The following CA10 variants were observed in gnomAD, a reference collection of about 807,000 sequenced individuals.
The protein encoded by CA10 is carbonic anhydrase 10 (inactive), also known as carbonic anhydrase-related protein 10.
In CA10, 14 loss-of-function variants were observed where a neutral mutation model predicts 44.2. That is an observed-to-expected ratio of 0.32 (90% CI 0.21 to 0.50). The LOEUF is 0.50. CA10 is among the 20% of genes least tolerant of loss of function. The probability of loss-of-function intolerance (pLI) is 0.99; values close to 1 mark genes in which losing one functional copy is unlikely to be tolerated. For missense variants in CA10, 350 were observed against 409.7 expected, an observed-to-expected ratio of 0.85 and a Z score of 1.26; for synonymous variants, 159 against 141.6, an observed-to-expected ratio of 1.12 and a Z score of -0.87.
intron 3 of CA10, among the ~76,000 whole-genome samples, chr17:51,914,520 C>G (rs1412207884): frequency 6.6e-6 from 1 of 152,106 alleles, no homozygotes; most frequent in Non-Finnish European, 1.5e-5. Context: ...AGACATGTAA[C>G]ACCACTCCTA....
chr17:51,784,736 C>G (rs966914494), intron 3 of CA10, among the ~76,000 whole-genome samples: 1 of 152,214 alleles, frequency 6.6e-6, no homozygotes, highest in Non-Finnish European at 1.5e-5. Flanking sequence ...TCATGGAGAA[C>G]GGAGTATCCA....
intron 3 of CA10, among the ~76,000 whole-genome samples, chr17:51,812,548 T>G (rs897523209): frequency 1.3e-5 from 2 of 152,200 alleles, no homozygotes; most frequent in African/African-American, 4.8e-5. Flanking sequence ...AATCCATGGA[T>G]GTTGAGGCCT....
intron 3 of CA10, among the ~76,000 whole-genome samples, chr17:51,782,216 G>A (rs1736503528): frequency 6.6e-6 from 1 of 152,214 alleles, no homozygotes; most frequent in East Asian, 1.9e-4. Flanking sequence ...CTACTAACTT[G>A]TTCTCACCTT....
At chr17:51,957,309 C>CT (rs1275120674) in intron 2 of CA10, among the ~76,000 whole-genome samples, 1 of 152,122 alleles carries the variant, frequency 6.6e-6, no homozygotes, top group Non-Finnish European at 1.5e-5. Flanking sequence ...ACATTTATCA[C>CT]TTTTTTTCCT....
chr17:52,126,221 T>A (rs1361312825), intron 1 of CA10, among the ~76,000 whole-genome samples: 1 of 152,208 alleles, frequency 6.6e-6, no homozygotes, highest in Non-Finnish European at 1.5e-5. Flanking sequence ...TCTAAAATGG[T>A]GCTAATAATA....
intron 7 of CA10, 135 bp downstream of exon 7, chr17:51,635,720 T>C (rs1912795590): frequency 5.2e-6 from 3 of 576,382 alleles, no homozygotes; most frequent in Non-Finnish European, 8.7e-6. Context: ...AAGTTTGTGT[T>C]AGTTTAAACT....
At chr17:51,887,963 T>C (rs1042050732) in intron 3 of CA10, among the ~76,000 whole-genome samples, 2 of 152,062 alleles carry the variant, frequency 1.3e-5, no homozygotes, top group Non-Finnish European at 2.9e-5. Flanking sequence ...AGGCAGAGGT[T>C]GCAGTAAGCC....
intron 1 of CA10, among the ~76,000 whole-genome samples, chr17:52,076,148 T>A (rs543049910): frequency 1.3e-5 from 2 of 152,292 alleles, no homozygotes; most frequent in Non-Finnish European, 2.9e-5. Context: ...TTCTTACATG[T>A]GCATATCTTC....
intron 2 of CA10, among the ~76,000 whole-genome samples, chr17:52,063,213 G>A (rs1374360809): frequency 6.6e-6 from 1 of 152,188 alleles, no homozygotes; most frequent in African/African-American, 2.4e-5. Context: ...TACAAACATT[G>A]CATATTATAA....
At chr17:51,740,098 T>C (rs1186188626) in intron 4 of CA10, among the ~76,000 whole-genome samples, 2 of 152,228 alleles carry the variant, frequency 1.3e-5, no homozygotes, top group East Asian at 3.8e-4. Flanking sequence ...CTATACAATT[T>C]AATTCATGAT....
intron 3 of CA10, among the ~76,000 whole-genome samples, chr17:51,893,842 T>G (rs1432025298): frequency 6.6e-6 from 1 of 152,178 alleles, no homozygotes; most frequent in Non-Finnish European, 1.5e-5. Context: ...AGATCAAAAT[T>G]TTTATCAACT....
intron 3 of CA10, among the ~76,000 whole-genome samples, chr17:51,778,865 C>A (rs893938284): frequency 6.6e-6 from 1 of 152,142 alleles, no homozygotes; most frequent in Non-Finnish European, 1.5e-5. Context: ...AACTGCTTAG[C>A]GGAAACTGCT....
At chr17:51,718,024 TA>T (rs1916227812) in intron 4 of CA10, among the ~76,000 whole-genome samples, 1 of 146,976 alleles carries the variant, frequency 6.8e-6, no homozygotes, top group African/African-American at 2.5e-5. Context: ...TCTGAAGACG[TA>T]AAGGCATAAG....
intron 7 of CA10, among the ~76,000 whole-genome samples, chr17:51,635,563 A>C (rs1233702805): frequency 2.0e-5 from 3 of 152,144 alleles, no homozygotes; most frequent in Non-Finnish European, 4.4e-5. Context: ...GGTGCTTTTA[A>C]ATGCCAAAGC....
rs193261863 is a variant in CA10, at chr17:51,880,752, A to T, written c.279+50238T>A. Among the ~76,000 whole-genome samples, 37 of 151,602 alleles carry T rather than the reference A, an allele frequency of 2.4e-4. 3 individuals are homozygous for T. The highest frequency in any genetic ancestry group is 8.0e-4 in the African/African-American group (33 of 41,370). On this transcript the variant is annotated intron_variant, in intron 3 of 8. Transcript: ENST00000451037. ...GGCATATCTGGTAAGTTTCAGTAAT[A>T]AAAAAAAATAAGTAATGAAAGACTT...
At chr17:51,902,583 AGT>A (rs1567878754) in intron 3 of CA10, among the ~76,000 whole-genome samples, 1 of 152,164 alleles carries the variant, frequency 6.6e-6, no homozygotes, top group African/African-American at 2.4e-5. Context: ...CTCTTAACTC[AGT>A]GCTTTCTTCC....
intron 2 of CA10, among the ~76,000 whole-genome samples, chr17:51,978,558 C>T (rs1984541248): frequency 1.3e-5 from 2 of 151,226 alleles, no homozygotes; most frequent in Admixed American, 1.3e-4. Flanking sequence ...TTCAATGAAC[C>T]AGGATAACTA....
rs111555732 is a variant in CA10, at chr17:52,105,472, GTCTCAA to G, written c.62-33085_62-33080del. ...GGGTTTCACCGTGTTAGCCAGGATG[GTCTCAA>G]TCTCCTGACCTCGTGATCTGCCCGC... On this transcript the variant is annotated intron_variant, in intron 1 of 8. Coordinates refer to ENST00000451037, the MANE Select transcript of CA10 (RefSeq NM_020178.5). Among the ~76,000 whole-genome samples, 488 of 152,250 alleles carry G rather than the reference GTCTCAA, an allele frequency of 3.2e-3. 2 individuals are homozygous for G. Among genetic ancestry groups the G allele is most frequent in the African/African-American group, 0.011 (465 of 41,548 alleles).
chr17:51,723,981 G>T (rs778017208), intron 4 of CA10, among the ~76,000 whole-genome samples: 1 of 152,154 alleles, frequency 6.6e-6, no homozygotes, highest in African/African-American at 2.4e-5. Flanking sequence ...CTTGCCCTGG[G>T]TTCTGGCTCC....
Sources: gnomAD v4.1 joint callset for allele counts (sites outside exome capture counted in the v4.1 genomes callset) on GRCh38, gnomAD v4.1.1 for gene constraint, MANE v1.5 for transcripts, NCBI Gene and HGNC (gene_info 2026-07-23, HGNC 2026-07-21) for gene names.